Variants in RFX8 observed in about 807,000 individuals in gnomAD.
RFX8 encodes the protein regulatory factor X8.
A neutral mutation model predicts 54.6 loss-of-function variants in RFX8; 46 were observed. The ratio of observed to expected loss-of-function variants is 0.84; its 90% CI spans 0.67 to 1.08. The LOEUF (loss-of-function observed/expected upper bound fraction) is 1.08. Among genes scored for constraint, RFX8 ranks in the 50% least tolerant of loss-of-function variants. The pLI is 0.00. For synonymous variants in RFX8, 192 were observed against 209.5 expected (o/e 0.92, Z 0.72); for missense variants, 536 against 562.3 (o/e 0.95, Z 0.47).
At chr2:101,409,575 C>T (rs1363906693) in intron 9 of RFX8, among the ~76,000 whole-genome samples, 3 of 152,050 alleles carry the variant, frequency 2.0e-5, no homozygotes, top group African/African-American at 7.2e-5. Context: ...TCTCAGCTCA[C>T]TGCAACCTCC....
intron 2 of RFX8, among the ~76,000 whole-genome samples, chr2:101,462,076 G>A (rs373563176): frequency 9.2e-5 from 14 of 152,252 alleles, no homozygotes; most frequent in African/African-American, 2.9e-4. Flanking sequence ...GATATGGATG[G>A]GGACTTATGG....
At position 101,466,860 on chromosome 2, in the gene RFX8, G is replaced by C; in HGVS notation, c.-12C>G. 6.5e-7 allele frequency: 1 copy of C among 1,548,348 alleles called. No individual in the cohort carries two copies. The stretch of plus-strand genomic sequence containing the variant: ...TAAATCTCATACATGAGACAGCGAG[G>C]GACGCTGCACTCTTCGCAAATGCAG... On this transcript the variant is annotated 5_prime_UTR_variant, in exon 2 of 12. Coordinates refer to ENST00000428343, the MANE Select transcript of RFX8 (RefSeq NM_001145664.2).
chr2:101,437,187 C>A (rs1687826321), intron 2 of RFX8, among the ~76,000 whole-genome samples: 1 of 152,194 alleles, frequency 6.6e-6, no homozygotes. Context: ...CGCCTGTAAT[C>A]TCAGCACTTT....
chr2:101,414,074 A>G (rs1432124882), intron 7 of RFX8, among the ~76,000 whole-genome samples: 16 of 152,050 alleles, frequency 1.1e-4, no homozygotes, highest in African/African-American at 3.9e-4. Context: ...GCCCTTCTCA[A>G]CCTTTCTCTA....
Position 101,413,011 on chromosome 2 carries a change from C to T in RFX8, c.622G>A (p.Ala208Thr). The change falls in exon 8 of 12, where the codon GCC (alanine) becomes ACC (threonine). Residue 208 changes from alanine (A) to threonine (T), a missense_variant. By Grantham distance (58) the Ala-to-Thr change is moderately conservative. Transcript: ENST00000428343. ...RVSVLKSDLQ[A>T]IINQGTLATS... Reference sequence around the variant, plus strand: ...GCCAAAGTGCCTTGATTGATGATGGCCTGTAGATCTGACTTCAAAACGCTG... The same window carrying T: ...GCCAAAGTGCCTTGATTGATGATGGTCTGTAGATCTGACTTCAAAACGCTG... 1 of 1,552,042 alleles carries T rather than the reference C, an allele frequency of 6.4e-7. No homozygotes were observed. Among genetic ancestry groups the T allele is most frequent in the African/African-American group, 1.4e-5 (1 of 73,122 alleles).
chr2:101,415,709 C>T (rs6543042), intron 6 of RFX8, among the ~76,000 whole-genome samples: 98,501 of 152,112 alleles, frequency 0.65, 35,300 homozygotes, highest in Middle Eastern at 0.8. Context: ...AGCTGATGGA[C>T]GGAAGAGGAC....
rs1690231858 is a variant in RFX8 at position 101,474,914 on chromosome 2, A to G, written c.-331T>C. Among the ~76,000 whole-genome samples, 2 of 152,122 alleles carry G rather than the reference A, an allele frequency of 1.3e-5. No homozygotes were observed. The highest frequency in any genetic ancestry group is 2.9e-5 in the Non-Finnish European group (2 of 68,012). On this transcript the variant is annotated 5_prime_UTR_variant, in exon 1 of 12. Coordinates refer to ENST00000428343, the MANE Select transcript of RFX8 (RefSeq NM_001145664.2). ...TTGAAAAATCTCGGAGCTCTCTGGC[A>G]GGCGGGCGCATCTGGACTTCTAGGA...
intron 6 of RFX8, among the ~76,000 whole-genome samples, chr2:101,415,991 T>C (rs1686480265): frequency 6.6e-6 from 1 of 152,244 alleles, no homozygotes; most frequent in Non-Finnish European, 1.5e-5. Context: ...GGGGACAGCC[T>C]GTCTAGTGTT....
intron 2 of RFX8, among the ~76,000 whole-genome samples, chr2:101,450,995 A>G (rs1248560953): frequency 6.6e-6 from 1 of 151,862 alleles, no homozygotes; most frequent in Admixed American, 6.6e-5. Flanking sequence ...GCCCTCAACC[A>G]CTGCCCCCCG....
chr2:101,409,545 C>T (rs1320614347), intron 9 of RFX8, among the ~76,000 whole-genome samples: 1 of 151,042 alleles, frequency 6.6e-6, no homozygotes, highest in Non-Finnish European at 1.5e-5. Context: ...CTTTTGTTGC[C>T]CAGGCTGGAG....
rs527572669 is a variant in RFX8 at position 101,408,469 on chromosome 2, C to T, written c.813+2150G>A. On this transcript the variant is annotated intron_variant, in intron 9 of 11. Transcript: ENST00000428343. ...CACTGCACTCCAGCCTGGGCGACAG[C>T]GAGACTCCGTCTCAAAAAAAAAAAA... 3.4e-5 allele frequency among the ~76,000 whole-genome samples: 5 copies of T among 145,350 alleles called. No individual in the cohort carries two copies. In the South Asian group the frequency reaches 1.1e-3, roughly 32 times the overall value.
chr2:101,443,554 A>G (rs1335070021), intron 2 of RFX8, among the ~76,000 whole-genome samples: 1 of 152,130 alleles, frequency 6.6e-6, no homozygotes, highest in Non-Finnish European at 1.5e-5. Context: ...ATACAACTAC[A>G]TATTTGGAAA....
intron 9 of RFX8, among the ~76,000 whole-genome samples, chr2:101,409,483 C>T (rs1405149784): frequency 6.6e-6 from 1 of 151,932 alleles, no homozygotes; most frequent in Non-Finnish European, 1.5e-5. Context: ...GCCTCGGCCA[C>T]CCAAAGTGCT....
At chr2:101,426,577 T>A (rs1280917713) in intron 2 of RFX8, among the ~76,000 whole-genome samples, 2 of 152,168 alleles carry the variant, frequency 1.3e-5, no homozygotes, top group African/African-American at 4.8e-5. Context: ...AAACAAAAGC[T>A]ATATCTAAAA....
At chr2:101,401,340 T>A (rs980695930) in intron 11 of RFX8, among the ~76,000 whole-genome samples, 2 of 152,070 alleles carry the variant, frequency 1.3e-5, no homozygotes, top group African/African-American at 4.8e-5. Flanking sequence ...GTGTGCAGGA[T>A]CTCTGCAATC....
intron 11 of RFX8, among the ~76,000 whole-genome samples, chr2:101,399,057 T>G (rs536212606): frequency 2.0e-5 from 3 of 152,344 alleles, no homozygotes; most frequent in African/African-American, 7.2e-5. Flanking sequence ...AGTTTTTCAC[T>G]TTGTTCTTAA....
chr2:101,451,006 AC>A (rs1355738076), intron 2 of RFX8, among the ~76,000 whole-genome samples: 2 of 151,110 alleles, frequency 1.3e-5, no homozygotes, highest in African/African-American at 4.9e-5. Flanking sequence ...CTGCCCCCCG[AC>A]CCCCCAGCAC....
At chr2:101,466,305 C>T (rs1183373143) in intron 2 of RFX8, among the ~76,000 whole-genome samples, 1 of 94,248 alleles carries the variant, frequency 1.1e-5, no homozygotes, top group Non-Finnish European at 2.2e-5. Flanking sequence ...GAAATTCTAT[C>T]TCGGAAAAAA....
chr2:101,401,788 T>C (rs189041789), intron 11 of RFX8, among the ~76,000 whole-genome samples: 1 of 152,156 alleles, frequency 6.6e-6, no homozygotes, highest in Non-Finnish European at 1.5e-5. Flanking sequence ...AGGTGAAGAA[T>C]GGACTTGAGA....
Sources: allele counts gnomAD v4.1 joint callset (sites outside exome capture counted in the v4.1 genomes callset), GRCh38; gene constraint gnomAD v4.1.1; transcripts MANE v1.5; gene names NCBI Gene and HGNC (gene_info 2026-07-23, HGNC 2026-07-21).